LMNTD1: variants seen among roughly 807,000 people sequenced by gnomAD.
LMNTD1 encodes the protein lamin tail domain-containing protein 1.
LMNTD1 carries 35 observed loss-of-function variants against 50.9 expected under a neutral mutation model. The observed-to-expected ratio is 0.69, with a 90% CI of 0.53 to 0.91. The LOEUF is 0.91. Among genes scored for constraint, LMNTD1 ranks in the 40% least tolerant of loss-of-function variants. The pLI is 0.00. For synonymous variants in LMNTD1, 153 were observed against 161.9 expected, an observed-to-expected ratio of 0.94 and a Z score of 0.42; for missense variants, 470 against 475.5, an observed-to-expected ratio of 0.99 and a Z score of 0.11.
rs1565490521 is a variant in LMNTD1, at chr12:25,571,378, T to TA, written c.59-24825_59-24824insT. 2.5e-4 allele frequency among the ~76,000 whole-genome samples: 36 copies of TA among 142,032 alleles called. 1 individual carries two copies. In the South Asian group the frequency reaches 7.6e-3, roughly 30 times the overall value. The allele number at this position is 142,032 out of a possible 152,430, so 93.2% of individuals were successfully genotyped here. A position where few individuals can be genotyped will look rare whatever the true frequency, so the allele number is the denominator to read the frequency against. ...TTATTTATTTATTTATTTATTTATT[T>TA]TTTGAGACGGAGTCTCGCTCTGTCA... On this transcript the variant is annotated intron_variant, in intron 1 of 7. Transcript: ENST00000445693.
intron 1 of LMNTD1, among the ~76,000 whole-genome samples, chr12:25,581,484 A>C (rs1447239754): frequency 6.6e-6 from 1 of 152,180 alleles, no homozygotes; most frequent in Non-Finnish European, 1.5e-5. Context: ...GAAATTGAGC[A>C]CCTCTAAATC....
chr12:25,629,450 T>G (rs538717748), intron 1 of LMNTD1, among the ~76,000 whole-genome samples: 1 of 152,304 alleles, frequency 6.6e-6, no homozygotes, highest in South Asian at 2.1e-4. Flanking sequence ...GAATCCAAAT[T>G]GCTTTTAGGA....
chr12:25,553,322 G>GGAGACATTACCTCAT, upstream of LMNTD1: 1 of 1,244,558 alleles, frequency 8.0e-7, no homozygotes, highest in Non-Finnish European at 1.1e-6. Context: ...TTAGAACTAT[G>GGAGACATTACCTCAT]AGGTAATGTC....
At chr12:25,488,823 T>C (rs556561189) in intron 9 of LMNTD1, among the ~76,000 whole-genome samples, 2 of 152,356 alleles carry the variant, frequency 1.3e-5, no homozygotes, top group African/African-American at 4.8e-5. Flanking sequence ...GTGGATGTCC[T>C]TTCTGTTTGT....
At chr12:25,495,394 G>T (rs11048077) in intron 9 of LMNTD1, among the ~76,000 whole-genome samples, 64,990 of 151,506 alleles carry the variant, frequency 0.43, 15,248 homozygotes, top group Non-Finnish European at 0.55. Flanking sequence ...AGATGAATTT[G>T]TTTCCCTAAA....
At chr12:25,510,137 T>A (rs143052841) in intron 8 of LMNTD1, among the ~76,000 whole-genome samples, 5 of 149,286 alleles carry the variant, frequency 3.3e-5, no homozygotes, top group African/African-American at 1.3e-4. Context: ...TTGTTTCCAA[T>A]TTTTTTTTAC....
chr12:25,640,151 G>A (rs958276978), intron 1 of LMNTD1, among the ~76,000 whole-genome samples: 1 of 152,138 alleles, frequency 6.6e-6, no homozygotes. Flanking sequence ...GACTTGGGGG[G>A]AGAGGAGTGG....
chr12:25,611,450 G>A (rs1261729430), intron 1 of LMNTD1, among the ~76,000 whole-genome samples: 1 of 152,158 alleles, frequency 6.6e-6, no homozygotes, highest in Non-Finnish European at 1.5e-5. Context: ...GGAGGGACTA[G>A]GATGAAGGAA....
Position 25,508,011 on chromosome 12 carries a change from G to A in LMNTD1, c.1190-4211C>T, listed in dbSNP as rs56891872. On this transcript the variant is annotated intron_variant, in intron 8 of 9. Transcript: ENST00000458174. ...TAATATTCATTTTGAGTTCATCAAC[G>A]TGTTTTTTTTTTTAGATTTTCTTTG... Among the ~76,000 whole-genome samples the A allele has an allele frequency of 1.8e-3, 270 of 151,252 alleles. 2 individuals carry two copies. The highest frequency in any genetic ancestry group is 6.3e-3 in the African/African-American group (259 of 41,300).
intron 1 of LMNTD1, among the ~76,000 whole-genome samples, chr12:25,605,680 C>T (rs909117024): frequency 8.5e-5 from 13 of 152,140 alleles, no homozygotes; most frequent in African/African-American, 2.9e-4. Context: ...TCTGAGAGCT[C>T]TGTTCTGTTC....
At chr12:25,632,689 A>AG (rs1946746394) in intron 1 of LMNTD1, among the ~76,000 whole-genome samples, 1 of 152,196 alleles carries the variant, frequency 6.6e-6, no homozygotes, top group Non-Finnish European at 1.5e-5. Flanking sequence ...TCAAAACAGA[A>AG]TCTCTTTAAA....
intron 9 of LMNTD1, among the ~76,000 whole-genome samples, chr12:25,497,967 T>A: frequency 6.6e-6 from 1 of 152,134 alleles, no homozygotes. Context: ...AAAGAAGATA[T>A]TGGGGAAAAA....
At chr12:25,512,047 A>G (rs1357564551) in intron 8 of LMNTD1, among the ~76,000 whole-genome samples, 1 of 152,220 alleles carries the variant, frequency 6.6e-6, no homozygotes. Flanking sequence ...TTAAACAGCA[A>G]ATCTTTCCCT....
rs753760388 is a variant in LMNTD1, at chr12:25,552,982, T to C, written c.-23A>G. The C allele has an allele frequency of 6.2e-7, 1 of 1,608,804 alleles. No homozygotes were observed. Among genetic ancestry groups the C allele is most frequent in the South Asian group, 1.1e-5 (1 of 90,372 alleles). On this transcript the variant is annotated 5_prime_UTR_variant, in exon 2 of 10. Transcript: ENST00000458174. ...CATCTTGGCTAGAAAAGAAGTCTCT[T>C]TTCTTTCCTAGGAAAGCAGATCATG... is the stretch of plus-strand genomic sequence containing the variant.
chr12:25,525,744 C>T (rs1941661064), intron 6 of LMNTD1, among the ~76,000 whole-genome samples: 2 of 151,920 alleles, frequency 1.3e-5, no homozygotes, highest in South Asian at 4.2e-4. Flanking sequence ...GATAACTATC[C>T]ATTCTATGAA....
At chr12:25,611,368 A>G (rs1378121172) in intron 1 of LMNTD1, among the ~76,000 whole-genome samples, 1 of 152,196 alleles carries the variant, frequency 6.6e-6, no homozygotes, top group Admixed American at 6.5e-5. Context: ...TGGTGTTTTG[A>G]TGGTTTTAGG....
chr12:25,514,757 A>G (rs1432186223), intron 8 of LMNTD1, among the ~76,000 whole-genome samples: 2 of 152,158 alleles, frequency 1.3e-5, no homozygotes, highest in Admixed American at 6.6e-5. Flanking sequence ...CTTTATTATT[A>G]TGAGAATTAT....
intron 3 of LMNTD1, among the ~76,000 whole-genome samples, chr12:25,548,667 A>T (rs1474562281): frequency 6.6e-6 from 1 of 151,946 alleles, no homozygotes; most frequent in Admixed American, 6.6e-5. Flanking sequence ...GTTTCAAAGG[A>T]TGATAGTGTT....
At chr12:25,520,817 C>A (rs916707139) in intron 6 of LMNTD1, among the ~76,000 whole-genome samples, 2 of 152,164 alleles carry the variant, frequency 1.3e-5, no homozygotes, top group African/African-American at 4.8e-5. Flanking sequence ...ACATTCCTGC[C>A]AACCATGTAC....
Sources: allele counts gnomAD v4.1 joint callset (sites outside exome capture counted in the v4.1 genomes callset), GRCh38; gene constraint gnomAD v4.1.1; transcripts MANE v1.5; gene names NCBI Gene and HGNC (gene_info 2026-07-23, HGNC 2026-07-21).